The following TCN1 variants were observed in gnomAD, a reference collection of about 807,000 sequenced individuals.
TCN1 encodes the protein transcobalamin-1.
A neutral mutation model predicts 46.3 loss-of-function variants in TCN1; 47 were observed. That is an observed-to-expected ratio of 1.01 (90% CI 0.80 to 1.29). The LOEUF (loss-of-function observed/expected upper bound fraction) is 1.29, where lower values mean the gene tolerates loss of function less well. Ranked by LOEUF, TCN1 falls within the 50% of genes most tolerant of loss-of-function variation. TCN1 has a pLI of 0.00. For missense variants in TCN1, 532 were observed against 511.0 expected (o/e 1.04, Z -0.40); for synonymous variants, 183 against 192.5 (o/e 0.95, Z 0.41).
Position 59,861,524 on chromosome 11 carries a change from C to A in TCN1, c.556+3G>T. ...ACCAAGGGAATTGGGCTTAGTAACT[C>A]ACCTACTGAGAACTGGCTACCAAAA... is the stretch of plus-strand genomic sequence containing the variant. On this transcript the variant is annotated splice_donor_region_variant and intron_variant, in intron 4 of 8. Coordinates refer to ENST00000257264, the MANE Select transcript of TCN1 (RefSeq NM_001062.4). 1.2e-6 allele frequency: 2 copies of A among 1,613,938 alleles called. No individual in the cohort carries two copies. Among genetic ancestry groups the A allele is most frequent in the South Asian group, 1.1e-5 (1 of 91,054 alleles).
chr11:59,863,887 C>T lies in TCN1; in HGVS notation c.259+20G>A, dbSNP rs2135110937. On this transcript the variant is annotated intron_variant, in intron 2 of 8. Coordinates refer to ENST00000257264, the MANE Select transcript of TCN1 (RefSeq NM_001062.4). ...TAGGTAGATTTTTTTCTAAATCTTC[C>T]AGAATATACAGCAACTTACATCTGC... is the stretch of plus-strand genomic sequence containing the variant. The T allele has an allele frequency of 6.2e-7, 1 of 1,613,202 alleles. No individual in the cohort carries two copies.
chr11:59,859,082 T>C lies in TCN1; in HGVS notation c.742A>G (p.Met248Val). ...TGTTTCACCCTCTGACTTACCTGCA[T>C]GGCTTCTCCTGTGCTAAATGTGTTT... ...IGNTFSTGEA[M>V]QALFVSSDYY... The change falls in exon 5 of 9, where the codon ATG (methionine) becomes GTG (valine). Residue 248 changes from methionine (M) to valine (V), a missense_variant. Physicochemically the swap from Met to Val is conservative, Grantham distance 21. Transcript: ENST00000257264. 1 of 1,613,342 alleles carries C rather than the reference T, an allele frequency of 6.2e-7. No individual in the cohort carries two copies. The highest frequency in any genetic ancestry group is 8.5e-7 in the Non-Finnish European group (1 of 1,180,020).
intron 1 of TCN1, 137 bp from the exon 2 acceptor site, chr11:59,864,223 G>T: frequency 1.0e-6 from 1 of 980,274 alleles, no homozygotes; most frequent in Non-Finnish European, 1.6e-6. Context: ...CTGTGTTGGT[G>T]GAATAATACA....
At chr11:59,866,347 A>G in intron 1 of TCN1, 45 bp downstream of exon 1, 3 of 1,585,386 alleles carry the variant, frequency 1.9e-6, no homozygotes, top group Non-Finnish European at 2.6e-6. Flanking sequence ...AACAGTTTTC[A>G]GTAGACTATC....
intron 3 of TCN1, among the ~76,000 whole-genome samples, chr11:59,861,989 C>CT (rs753208931): frequency 5.1e-4 from 77 of 152,302 alleles, no homozygotes; most frequent in Non-Finnish European, 7.9e-4. Flanking sequence ...ACCTCCAAGC[C>CT]TCTTGCGTTT....
chr11:59,855,827 A>T lies in TCN1; in HGVS notation c.937+42T>A, dbSNP rs777031284. ...CTGAATCTCACATGCTTTGGGTGCT[A>T]TGGTGAAAAGCGAAACAGTGTGCTC... On this transcript the variant is annotated intron_variant, in intron 6 of 8. Coordinates refer to ENST00000257264, the MANE Select transcript of TCN1 (RefSeq NM_001062.4). 3 of 1,608,552 alleles carry T rather than the reference A, an allele frequency of 1.9e-6. No individual in the cohort carries two copies. In the Admixed American group the frequency reaches 5.0e-5, roughly 27 times the overall value.
rs61903592 is a variant in TCN1, at chr11:59,861,058, T to C, written c.556+469A>G. Among the ~76,000 whole-genome samples, 1,126 of 152,330 alleles carry C rather than the reference T, an allele frequency of 7.4e-3. 11 individuals are homozygous for C. The highest frequency in any genetic ancestry group is 0.01 in the Non-Finnish European group (712 of 68,030). On this transcript the variant is annotated intron_variant, in intron 4 of 8. Transcript: ENST00000257264. ...CCAAGGTGAATATACAATCTATTGA[T>C]TAAAATATTGGACTTTGTCACTGGA... is the stretch of plus-strand genomic sequence containing the variant.
chr11:59,852,888 G>T lies in TCN1; in HGVS notation c.*87C>A. ...GTTATTAACTCTCCTGCTCGTACTGGGATAAATGAAGAAGAAGGCATAAGG... is the reference window on the plus strand; with the variant it reads ...GTTATTAACTCTCCTGCTCGTACTGTGATAAATGAAGAAGAAGGCATAAGG... On this transcript the variant is annotated 3_prime_UTR_variant, in exon 9 of 9. Coordinates refer to ENST00000257264, the MANE Select transcript of TCN1 (RefSeq NM_001062.4). 8.3e-7 allele frequency: 1 copy of T among 1,211,218 alleles called. No homozygotes were observed. Among genetic ancestry groups the T allele is most frequent in the Non-Finnish European group, 1.2e-6 (1 of 812,794 alleles). 75.0% of individuals were successfully genotyped at this position (1,211,218 alleles called of 1,614,324 possible). A position where few individuals can be genotyped will look rare whatever the true frequency, so the allele number is the denominator to read the frequency against.
chr11:59,866,026 A>C (rs1853069804), intron 1 of TCN1, among the ~76,000 whole-genome samples: 2 of 152,178 alleles, frequency 1.3e-5, no homozygotes, highest in South Asian at 4.1e-4. Flanking sequence ...CAGGGAAAAA[A>C]GATTGCATAT....
rs1228867928 is a variant in TCN1 at position 59,863,905 on chromosome 11, A to G, written c.259+2T>C. The G allele has an allele frequency of 6.2e-7, 1 of 1,613,632 alleles. No homozygotes were observed. Among genetic ancestry groups the G allele is most frequent in the Non-Finnish European group, 8.5e-7 (1 of 1,179,702 alleles). On this transcript the variant is annotated splice_donor_variant, in intron 2 of 8. Transcript: ENST00000257264. LOFTEE classifies it high-confidence loss of function. Reference sequence around the variant, plus strand: ...AATCTTCCAGAATATACAGCAACTTACATCTGCTTTTCACATTGTATTTGA... The same window carrying G: ...AATCTTCCAGAATATACAGCAACTTGCATCTGCTTTTCACATTGTATTTGA...
Position 59,856,394 on chromosome 11 carries a change from A to G in TCN1, c.748-336T>C, listed in dbSNP as rs1356832546. On this transcript the variant is annotated intron_variant, in intron 5 of 8. Transcript: ENST00000257264. ...TAGGAGACACTCAATAAATATTAACAAACTACTGTAAAAGGAGTTGCCAGA... is the reference window on the plus strand; with the variant it reads ...TAGGAGACACTCAATAAATATTAACGAACTACTGTAAAAGGAGTTGCCAGA... Among the ~76,000 whole-genome samples the G allele has an allele frequency of 2.6e-5, 4 of 152,146 alleles. No homozygotes were observed. The East Asian group carries it at 7.7e-4, about 29-fold the overall frequency.
chr11:59,862,836 C>T, intron 2 of TCN1, 114 bp from the exon 3 acceptor site: 1 of 1,206,744 alleles, frequency 8.3e-7, no homozygotes, highest in Non-Finnish European at 1.2e-6. Context: ...GCGCTCTATA[C>T]AGTCTTGTGT....
In TCN1 at chr11:59,866,412, C is replaced by T. The variant is rs1853076799; in HGVS notation, c.59G>A (p.Ser20Asn). The part of the protein sequence containing the change: ...VGLLLFSFIP[S>N]QLCEICEVSE... ...CTCACCACAAATCTCGCATAGTTGGCTTGGAATAAAAGAAAACAGTAAGAG... is the reference window on the plus strand; with the variant it reads ...CTCACCACAAATCTCGCATAGTTGGTTTGGAATAAAAGAAAACAGTAAGAG... Residue 20 changes from serine to asparagine, a missense_variant, in exon 1 of 9, where the codon AGC (serine) becomes AAC (asparagine). Coordinates refer to ENST00000257264, the MANE Select transcript of TCN1 (RefSeq NM_001062.4). The T allele has an allele frequency of 6.2e-7, 1 of 1,613,498 alleles. No individual in the cohort carries two copies. The highest frequency in any genetic ancestry group is 8.5e-7 in the Non-Finnish European group (1 of 1,179,526).
At chr11:59,865,242 G>A (rs891886864) in intron 1 of TCN1, among the ~76,000 whole-genome samples, 7 of 152,116 alleles carry the variant, frequency 4.6e-5, no homozygotes, top group Non-Finnish European at 1.0e-4. Flanking sequence ...GAACAATTGT[G>A]AGTCAGTTCT....
At chr11:59,856,118 A>C in intron 5 of TCN1, 60 bp from the exon 6 acceptor site, 5 of 1,372,436 alleles carry the variant, frequency 3.6e-6, no homozygotes, top group East Asian at 2.3e-5. Flanking sequence ...GAGAGAGAAT[A>C]TGAGACACTT....
chr11:59,865,051 A>T (rs939634128), intron 1 of TCN1, among the ~76,000 whole-genome samples: 1 of 152,198 alleles, frequency 6.6e-6, no homozygotes, highest in Non-Finnish European at 1.5e-5. Context: ...GAAACCACCG[A>T]ATAAACTGTA....
chr11:59,866,299 G>C (rs897081580), intron 1 of TCN1, 93 bp downstream of exon 1: 9 of 1,315,594 alleles, frequency 6.8e-6, no homozygotes, highest in Non-Finnish European at 5.5e-6. Context: ...ACTGGAATGG[G>C]ATCTTTTCTC....
chr11:59,866,290 C>A, intron 1 of TCN1, 102 bp downstream of exon 1: 1 of 1,243,732 alleles, frequency 8.0e-7, no homozygotes, highest in South Asian at 1.2e-5. Context: ...ACATACGAAA[C>A]TGGAATGGGA....
intron 6 of TCN1, among the ~76,000 whole-genome samples, chr11:59,855,324 G>A (rs916284755): frequency 6.6e-6 from 1 of 152,146 alleles, no homozygotes; most frequent in Admixed American, 6.6e-5. Flanking sequence ...AAGCTTAGAG[G>A]TTAAACATTT....
Sources: allele counts gnomAD v4.1 joint callset (sites outside exome capture counted in the v4.1 genomes callset), GRCh38; gene constraint gnomAD v4.1.1; transcripts MANE v1.5; gene names NCBI Gene and HGNC (gene_info 2026-07-23, HGNC 2026-07-21).